ALG1L2: variants seen among roughly 807,000 people sequenced by gnomAD.
ALG1L2 encodes the protein putative glycosyltransferase ALG1L2.
In ALG1L2, 32 loss-of-function variants were observed where a neutral mutation model predicts 29.0. The ratio of observed to expected loss-of-function variants is 1.10; its 90% CI spans 0.83 to 1.48. ALG1L2 has a LOEUF of 1.48. Ranked by LOEUF, ALG1L2 falls within the 40% of genes most tolerant of loss-of-function variation. The probability of loss-of-function intolerance (pLI) is 0.00; values close to 1 mark genes in which losing one functional copy is unlikely to be tolerated. For synonymous variants in ALG1L2, 110 were observed against 109.5 expected (o/e 1.00, Z -0.03); for missense variants, 318 against 274.1 (o/e 1.16, Z -1.13).
intron 4 of ALG1L2, among the ~76,000 whole-genome samples, chr3:130,093,723 C>A (rs1232258668): frequency 6.6e-6 from 1 of 152,216 alleles, no homozygotes; most frequent in Non-Finnish European, 1.5e-5. Flanking sequence ...TGTGCCCGGC[C>A]ATGTCATTGG....
At chr3:130,091,874 A>T (rs1935020907) in intron 2 of ALG1L2, 2 of 778,706 alleles carry the variant, frequency 2.6e-6, no homozygotes, top group Non-Finnish European at 4.3e-6. Context: ...AGTCCTGTGG[A>T]GAAAAGGAAT....
chr3:130,095,565 T>A (rs1352378696), intron 5 of ALG1L2, among the ~76,000 whole-genome samples: 1 of 151,790 alleles, frequency 6.6e-6, no homozygotes, highest in African/African-American at 2.4e-5. Flanking sequence ...GCCTCCTGAG[T>A]AGCGGGGATT....
intron 1 of ALG1L2, among the ~76,000 whole-genome samples, chr3:130,086,500 C>G (rs918160586): frequency 2.0e-5 from 3 of 149,528 alleles, no homozygotes; most frequent in African/African-American, 7.6e-5. Flanking sequence ...GACCTCGTCT[C>G]TACAACAACT....
intron 1 of ALG1L2, among the ~76,000 whole-genome samples, chr3:130,084,398 A>T (rs2108114077): frequency 6.7e-6 from 1 of 148,764 alleles, no homozygotes; most frequent in African/African-American, 2.4e-5. Context: ...AGGAAAGGGG[A>T]GAGGGAAGGT....
At chr3:130,096,316 G>A (rs1935133482) in intron 6 of ALG1L2, among the ~76,000 whole-genome samples, 153 bp downstream of exon 6, 2 of 152,198 alleles carry the variant, frequency 1.3e-5, no homozygotes, top group African/African-American at 4.8e-5. Context: ...TGCGGTTACT[G>A]TGGCTGGGCT....
At chr3:130,084,613 T>C (rs1279395692) in intron 1 of ALG1L2, among the ~76,000 whole-genome samples, 2 of 131,670 alleles carry the variant, frequency 1.5e-5, no homozygotes, top group African/African-American at 5.1e-5. Context: ...CTCAGAATGC[T>C]GCTGTATTAA....
intron 5 of ALG1L2, 33 bp downstream of exon 5, chr3:130,094,546 C>T (rs751841789): frequency 4.1e-5 from 33 of 806,512 alleles, no homozygotes; most frequent in African/African-American, 1.2e-4. Context: ...AGGGAGGAGG[C>T]GGGGCCTTAT....
intron 1 of ALG1L2, among the ~76,000 whole-genome samples, chr3:130,084,643 A>C (rs796587817): frequency 0.045 from 3,241 of 71,564 alleles, 47 homozygotes; most frequent in Middle Eastern, 0.08. Flanking sequence ...TCTGCTATAA[A>C]AAGATACCAC....
intron 4 of ALG1L2, chr3:130,094,033 C>T: frequency 3.6e-6 from 1 of 280,434 alleles, no homozygotes; most frequent in Non-Finnish European, 7.0e-6. Flanking sequence ...GGAACCTGCG[C>T]CCTGTGGTTT....
At chr3:130,084,377 A>G (rs1441289357) in intron 1 of ALG1L2, among the ~76,000 whole-genome samples, 2 of 149,000 alleles carry the variant, frequency 1.3e-5, no homozygotes, top group Non-Finnish European at 3.0e-5. Flanking sequence ...GATGGAGAGG[A>G]AGGAGACAGG....
At chr3:130,082,570 T>A (rs1382626654) in intron 1 of ALG1L2, among the ~76,000 whole-genome samples, 1 of 132,874 alleles carries the variant, frequency 7.5e-6, no homozygotes, top group African/African-American at 2.5e-5. Context: ...ACTCCTGATC[T>A]CAAGTGATCT....
At chr3:130,095,368 A>C (rs1935106934) in intron 5 of ALG1L2, among the ~76,000 whole-genome samples, 1 of 151,066 alleles carries the variant, frequency 6.6e-6, no homozygotes, top group African/African-American at 2.4e-5. Flanking sequence ...ATTTGGCTTT[A>C]TTTTCACACT....
Position 130,092,256 on chromosome 3 carries a change from G to A in ALG1L2, c.253+34G>A, listed in dbSNP as rs753351738. The A allele has an allele frequency of 8.8e-6, 14 of 1,599,568 alleles. No individual in the cohort carries two copies. In the Admixed American group the frequency reaches 1.0e-4, roughly 12 times the overall value. ...GACCACTGGGGCACTTGGGGTTGGTGTGAAGGGCACCTGGCCAACCTGTAT... is the reference window on the plus strand; with the variant it reads ...GACCACTGGGGCACTTGGGGTTGGTATGAAGGGCACCTGGCCAACCTGTAT... On this transcript the variant is annotated intron_variant, in intron 3 of 7. Transcript: ENST00000425059.
At chr3:130,089,721 C>T (rs1934970192) in intron 1 of ALG1L2, among the ~76,000 whole-genome samples, 2 of 152,306 alleles carry the variant, frequency 1.3e-5, no homozygotes, top group Non-Finnish European at 2.9e-5. Context: ...CCTTTTGTGG[C>T]TTATTTCCTT....
intron 4 of ALG1L2, chr3:130,094,166 C>CT: frequency 1.8e-6 from 1 of 553,130 alleles, no homozygotes; most frequent in South Asian, 2.0e-5. Context: ...GTTTGCAGCC[C>CT]GAGGCCAGCT....
intron 1 of ALG1L2, among the ~76,000 whole-genome samples, chr3:130,084,153 A>G (rs1326974460): frequency 2.7e-5 from 4 of 149,096 alleles, no homozygotes; most frequent in South Asian, 4.3e-4. Flanking sequence ...ATGCTGGGGA[A>G]GCAGACATTG....
At chr3:130,094,261 G>A in intron 4 of ALG1L2, 142 bp from the exon 5 acceptor site, 1 of 1,065,018 alleles carries the variant, frequency 9.4e-7, no homozygotes, top group South Asian at 1.3e-5. Flanking sequence ...TTCTGGAAAG[G>A]CCCAGATAGG....
At position 130,094,422 on chromosome 3, in the gene ALG1L2, G is replaced by A; in HGVS notation, c.333G>A (p.Glu111=). 1.9e-6 allele frequency: 3 copies of A among 1,596,212 alleles called. No homozygotes were observed. The highest frequency in any genetic ancestry group is 2.2e-5 in the South Asian group (2 of 90,994). The change falls in exon 5 of 8, where the codon GAG becomes GAA. Residue 111 remains glutamate, a synonymous_variant. Coordinates refer to ENST00000425059, the MANE Select transcript of ALG1L2 (RefSeq NM_001136152.1). ...GTGAAGGCAAAGGGCCTCTGAGGGA[G>A]TATTACAGCCGCCTCATCCACCAGA... ...CVITGKGPLR[E]YYSRLIHQKH...
chr3:130,097,213 T>C lies in ALG1L2; in HGVS notation c.578T>C (p.Val193Ala), dbSNP rs1935159688. 2.5e-6 allele frequency: 4 copies of C among 1,611,536 alleles called. No individual in the cohort carries two copies. Among genetic ancestry groups the C allele is most frequent in the East Asian group, 2.2e-5 (1 of 44,896 alleles). The change falls in exon 7 of 8, where the codon GTC becomes GCC. Residue 193 changes from valine (V) to alanine (A), a missense_variant. Coordinates refer to ENST00000425059, the MANE Select transcript of ALG1L2 (RefSeq NM_001136152.1). Reference sequence around the variant, plus strand: ...GTGAAACATGAAGAAAACCGCCTGGTCTTTGAGGACTCAGAGGAACTGGCA... The same window carrying C: ...GTGAAACATGAAGAAAACCGCCTGGCCTTTGAGGACTCAGAGGAACTGGCA... ...ELVKHEENRL[V>A]FEDSEELAAQ...
Sources: allele counts gnomAD v4.1 joint callset (sites outside exome capture counted in the v4.1 genomes callset), GRCh38; gene constraint gnomAD v4.1.1; transcripts MANE v1.5; gene names NCBI Gene and HGNC (gene_info 2026-07-23, HGNC 2026-07-21).